The following SF1 variants were observed in gnomAD, a reference collection of about 807,000 sequenced individuals.
SF1 encodes the protein branch point-binding protein.
Under a neutral mutation model 62.5 loss-of-function variants are expected in SF1, and 7 were observed. That is an observed-to-expected ratio of 0.11 (90% CI 0.06 to 0.21). SF1 has a LOEUF of 0.21. Among genes scored for constraint, SF1 ranks in the 10% least tolerant of loss-of-function variants. The pLI is 1.00. For synonymous variants in SF1, 394 were observed against 323.6 expected (o/e 1.22, Z -2.33); for missense variants, 578 against 884.0 (o/e 0.65, Z 4.39).
Position 64,765,693 on chromosome 11 carries a change from A to AAT in SF1, c.*124_*125insAT, listed in dbSNP as rs2058599632. On this transcript the variant is annotated 3_prime_UTR_variant, in exon 13 of 13. Coordinates refer to ENST00000377390, the MANE Select transcript of SF1 (RefSeq NM_004630.4). ...GGCCCAGCCCAGTGCGTGCACACAC[A>AAT]CACATGCGTGCACACACAATCACAT... The AAT allele has an allele frequency of 2.7e-6, 4 of 1,464,144 alleles. No homozygotes were observed. The highest frequency in any genetic ancestry group is 1.4e-5 in the South Asian group (1 of 69,692). 90.7% of individuals were successfully genotyped at this position (1,464,144 alleles called of 1,614,324 possible). A position where few individuals can be genotyped will look rare whatever the true frequency, so the allele number is the denominator to read the frequency against.
At chr11:64,775,019 G>A (rs1053629584) in intron 2 of SF1, among the ~76,000 whole-genome samples, 4 of 151,866 alleles carry the variant, frequency 2.6e-5, no homozygotes, top group African/African-American at 9.7e-5. Context: ...TGTACCGTGG[G>A]AGACAGAAAA....
rs2058521038 is a variant in SF1 at position 64,764,696 on chromosome 11, T to C, written c.*1122A>G. On this transcript the variant is annotated 3_prime_UTR_variant, in exon 13 of 13. Coordinates refer to ENST00000377390, the MANE Select transcript of SF1 (RefSeq NM_004630.4). The stretch of plus-strand genomic sequence containing the variant: ...ACACCGAAAAAAGCCCAGAGAAATT[T>C]CTGCAGATAAACCAGTGAAGAGAAC... 1 of 152,592 alleles carries C rather than the reference T, an allele frequency of 6.6e-6. No homozygotes were observed. Among genetic ancestry groups the C allele is most frequent in the East Asian group, 1.9e-4 (1 of 5,202 alleles). 9.5% of individuals were successfully genotyped at this position (152,592 alleles called of 1,614,324 possible).
At chr11:64,773,158 A>C in intron 3 of SF1, 1 of 1,270,696 alleles carries the variant, frequency 7.9e-7, no homozygotes, top group South Asian at 1.8e-5. Context: ...AGGGTGGGTA[A>C]ATCAGGTTAA....
At chr11:64,771,701 A>G (rs1938345084) in intron 3 of SF1, 5 of 985,310 alleles carry the variant, frequency 5.1e-6, no homozygotes, top group African/African-American at 1.7e-5. Context: ...CCAGCTCATT[A>G]GACTACCATC....
At chr11:64,771,998 G>A in intron 3 of SF1, 1 of 985,310 alleles carries the variant, frequency 1.0e-6, no homozygotes, top group Non-Finnish European at 1.2e-6. Flanking sequence ...CTAGAATTAA[G>A]CATTCTTAGC....
intron 3 of SF1, 98 bp from the exon 4 acceptor site, chr11:64,770,506 C>G (rs1938143656): frequency 7.6e-7 from 1 of 1,307,410 alleles, no homozygotes; most frequent in Non-Finnish European, 1.1e-6. Context: ...CCTCTCAGAC[C>G]CTAATACAAC....
At chr11:64,777,690 C>T (rs1483947237) in intron 1 of SF1, 2 of 985,500 alleles carry the variant, frequency 2.0e-6, no homozygotes, top group Admixed American at 6.1e-5. Context: ...CCGACACCAG[C>T]GGACTGGACA....
intron 1 of SF1, 85 bp downstream of exon 1, chr11:64,778,277 C>A (rs1939739706): frequency 8.2e-7 from 1 of 1,214,568 alleles, no homozygotes; most frequent in African/African-American, 1.6e-5. Context: ...CAGCCCCGCC[C>A]CAGGCCCGGG....
intron 1 of SF1, 184 bp downstream of exon 1, chr11:64,778,178 G>T: frequency 2.1e-6 from 2 of 957,412 alleles, no homozygotes; most frequent in Non-Finnish European, 2.6e-6. Flanking sequence ...CGGCGGCGGA[G>T]GCGGCGGAGG....
At chr11:64,774,506 A>G (rs976324281) in intron 2 of SF1, among the ~76,000 whole-genome samples, 5 of 152,216 alleles carry the variant, frequency 3.3e-5, no homozygotes, top group Non-Finnish European at 7.3e-5. Flanking sequence ...GGCATCTCCA[A>G]TAAGGGCAAA....
rs773578628 is a variant in SF1, at chr11:64,769,929, G to A, written c.479+35C>T. 12 of 1,510,870 alleles carry A rather than the reference G, an allele frequency of 7.9e-6. No individual in the cohort carries two copies. In the African/African-American group the frequency reaches 1.2e-4, roughly 16 times the overall value. The allele number at this position is 1,510,870 out of a possible 1,614,324, so 93.6% of individuals were successfully genotyped here. The stretch of plus-strand genomic sequence containing the variant: ...ACGGACACATCTCACAGGCTCTAAA[G>A]GAATTCTATATCCTATAGACCAGCA... On this transcript the variant is annotated intron_variant, in intron 5 of 12. Transcript: ENST00000377390.
chr11:64,774,893 G>A (rs1009290140), intron 2 of SF1, among the ~76,000 whole-genome samples: 9 of 150,840 alleles, frequency 6.0e-5, no homozygotes, highest in Non-Finnish European at 1.3e-4. Context: ...CCCGGGAGAC[G>A]CAGGTTGCAG....
intron 12 of SF1, chr11:64,766,498 G>T: frequency 2.2e-6 from 1 of 460,248 alleles, no homozygotes; most frequent in Non-Finnish European, 3.9e-6. Context: ...CACAGCTGCT[G>T]TCTCCCCACT....
At position 64,769,291 on chromosome 11, in the gene SF1, A is replaced by G; in HGVS notation, c.711T>C (p.Asn237=). 1 of 1,614,178 alleles carries G rather than the reference A, an allele frequency of 6.2e-7. No individual in the cohort carries two copies. The highest frequency in any genetic ancestry group is 8.5e-7 in the Non-Finnish European group (1 of 1,180,036). ...CCCGAAGCTGCATCTTCCGTAGATC[A>G]TTCTGGTCCTCTGGAGTCTCGATAC... ...KQGIETPEDQ[N]DLRKMQLREL... The change falls in exon 7 of 13, where the codon AAT becomes AAC. Residue 237 remains asparagine, a synonymous_variant. Transcript: ENST00000377390.
At chr11:64,775,111 G>T (rs1001916929) in intron 2 of SF1, among the ~76,000 whole-genome samples, 15 of 152,082 alleles carry the variant, frequency 9.9e-5, no homozygotes, top group African/African-American at 3.6e-4. Context: ...TCAACAACTC[G>T]AGGTGAAAGT....
intron 12 of SF1, 35 bp downstream of exon 12, chr11:64,766,850 GCCCCACCCCCATCCC>G: frequency 1.3e-6 from 1 of 744,976 alleles, no homozygotes; most frequent in South Asian, 2.1e-5. Flanking sequence ...GTTCCTGTCA[GCCCCACCCCCATCCC>G]ACCCACCCCC....
intron 5 of SF1, 140 bp from the exon 6 acceptor site, chr11:64,769,749 T>A (rs1452416409): frequency 1.2e-6 from 1 of 814,492 alleles, no homozygotes. Context: ...ATGAACTCTA[T>A]ATTATGGTCA....
At chr11:64,778,165 GGGC>G (rs1206728161) in intron 1 of SF1, 194 bp downstream of exon 1, 4 of 898,824 alleles carry the variant, frequency 4.5e-6, no homozygotes, top group Non-Finnish European at 5.6e-6. Context: ...GAGGCGGAGG[GGGC>G]GGCGGCGGAG....
chr11:64,766,723 C>A, intron 12 of SF1, 177 bp downstream of exon 12: 1 of 490,952 alleles, frequency 2.0e-6, no homozygotes. Flanking sequence ...CAAACATCAG[C>A]TCTCCTCTTC....
Sources: gnomAD v4.1 joint callset for allele counts (sites outside exome capture counted in the v4.1 genomes callset) on GRCh38, gnomAD v4.1.1 for gene constraint, MANE v1.5 for transcripts, NCBI Gene and HGNC (gene_info 2026-07-23, HGNC 2026-07-21) for gene names.